The following DNAH9 variants were observed in gnomAD, a reference collection of about 807,000 sequenced individuals.
DNAH9 encodes DNAH9 variant protein.
A neutral mutation model predicts 471.6 loss-of-function variants in DNAH9; 345 were observed. The ratio of observed to expected loss-of-function variants is 0.73; its 90% CI spans 0.67 to 0.80. The LOEUF (loss-of-function observed/expected upper bound fraction) is 0.80, where lower values mean the gene tolerates loss of function less well. DNAH9 is among the 30% of genes least tolerant of loss of function. The pLI, the probability that DNAH9 is intolerant of heterozygous loss-of-function variation, is 0.00. For missense variants in DNAH9, 5,407 were observed against 5,609.2 expected (o/e 0.96, Z 1.15); for synonymous variants, 2,093 against 2,123.6 (o/e 0.99, Z 0.40).
chr17:11,840,198 T>G (rs1198026971), intron 49 of DNAH9, among the ~76,000 whole-genome samples: 2 of 152,220 alleles, frequency 1.3e-5, no homozygotes, highest in Non-Finnish European at 2.9e-5. Flanking sequence ...AAAGACATCC[T>G]GCATTTGCAA....
intron 28 of DNAH9, among the ~76,000 whole-genome samples, chr17:11,729,066 A>T (rs1015762903): frequency 6.6e-6 from 1 of 152,210 alleles, no homozygotes; most frequent in Non-Finnish European, 1.5e-5. Context: ...CTCAGCAGGC[A>T]TCAGAGAACC....
intron 50 of DNAH9, 148 bp from the exon 51 acceptor site, chr17:11,868,986 G>A (rs188983288): frequency 3.7e-5 from 35 of 937,848 alleles, no homozygotes; most frequent in Middle Eastern, 2.6e-4. Context: ...CTTTCATTTC[G>A]TTCTCTGCCC....
At chr17:11,959,099 CA>C (rs11305692) in intron 67 of DNAH9, among the ~76,000 whole-genome samples, 140,895 of 151,040 alleles carry the variant, frequency 0.93, 66,428 homozygotes, top group South Asian at 1. Flanking sequence ...TTTAAAATAT[CA>C]AAAAAAAAAC....
chr17:11,916,283 T>C (rs1973955102), intron 61 of DNAH9, among the ~76,000 whole-genome samples: 1 of 152,188 alleles, frequency 6.6e-6, no homozygotes, highest in Admixed American at 6.5e-5. Context: ...CTGATCTATA[T>C]GGGTTGTTTG....
At chr17:11,902,040 A>C (rs1973434197) in intron 59 of DNAH9, among the ~76,000 whole-genome samples, 1 of 152,248 alleles carries the variant, frequency 6.6e-6, no homozygotes, top group Non-Finnish European at 1.5e-5. Context: ...CAGAAAAGAA[A>C]ACAGGACTTT....
intron 38 of DNAH9, among the ~76,000 whole-genome samples, chr17:11,778,329 C>CAAAAAAAAAAAAAAAAAA (rs57983162): frequency 4.1e-5 from 2 of 48,638 alleles, no homozygotes; most frequent in South Asian, 1.2e-3. Flanking sequence ...GACTCCATCT[C>CAAAAAAAAAAAAAAAAAA]AAAAAAAAAA....
At chr17:11,782,784 C>G (rs1222839696) in intron 39 of DNAH9, among the ~76,000 whole-genome samples, 1 of 152,120 alleles carries the variant, frequency 6.6e-6, no homozygotes, top group African/African-American at 2.4e-5. Context: ...GTAGTCCCAG[C>G]TACTTAGGAG....
chr17:11,865,320 T>A (rs1463475651), intron 50 of DNAH9, among the ~76,000 whole-genome samples: 1 of 151,856 alleles, frequency 6.6e-6, no homozygotes, highest in African/African-American at 2.4e-5. Context: ...TTGAAAATTC[T>A]TTTCTTTAAG....
chr17:11,605,807 T>C (rs143681241), intron 1 of DNAH9, among the ~76,000 whole-genome samples: 26 of 152,116 alleles, frequency 1.7e-4, no homozygotes, highest in African/African-American at 4.6e-4. Flanking sequence ...TGGCTATGAG[T>C]TGCTTTTCAC....
chr17:11,651,078 G>A lies in DNAH9; in HGVS notation c.2107G>A (p.Val703Met), dbSNP rs142163586. The change falls in exon 13 of 69, where the codon GTG (valine) becomes ATG (methionine). Residue 703 changes from valine (V) to methionine (M), a missense_variant. Val to Met is a conservative substitution (Grantham distance 21). Transcript: ENST00000262442. ...TINFNPQLISVLKEMSYLEPR... is the reference protein window; with the variant it reads ...TINFNPQLISMLKEMSYLEPR... ...TGCTTCTTTTCTCCAGCTGATTTCA[G>A]TGCTGAAAGAAATGAGCTATCTTGA... is the stretch of plus-strand genomic sequence containing the variant. 2.3e-4 allele frequency: 377 copies of A among 1,613,282 alleles called. 1 individual carries two copies. Among genetic ancestry groups the A allele is most frequent in the Admixed American group, 9.5e-4 (57 of 59,956 alleles).
At chr17:11,911,207 G>T (rs1232369297) in intron 61 of DNAH9, among the ~76,000 whole-genome samples, 2 of 152,112 alleles carry the variant, frequency 1.3e-5, no homozygotes, top group African/African-American at 2.4e-5. Flanking sequence ...TTGAGTTAAT[G>T]TTTCTGTATG....
Position 11,652,990 on chromosome 17 carries a change from C to A in DNAH9, c.2583C>A (p.His861Gln). ...TCAAGGAATCTGGCCTTAAGATCCA[C>A]GCCCTTGTTCAGGTAATAACCCAGC... Reference protein sequence around the residue: ...NLIKESGLKIHALVQENLGLF... With the variant: ...NLIKESGLKIQALVQENLGLF... Residue 861 changes from histidine (H) to glutamine (Q), a missense_variant, in exon 14 of 69, where the codon CAC becomes CAA. By Grantham distance (24) the His-to-Gln change is conservative. Transcript: ENST00000262442. 6.2e-7 allele frequency: 1 copy of A among 1,613,792 alleles called. No homozygotes were observed. The highest frequency in any genetic ancestry group is 1.6e-4 in the Middle Eastern group (1 of 6,062).
chr17:11,805,565 T>G (rs1016617481), intron 43 of DNAH9, among the ~76,000 whole-genome samples: 9 of 117,532 alleles, frequency 7.7e-5, no homozygotes, highest in Non-Finnish European at 1.4e-4. Flanking sequence ...TTTTTTTTTT[T>G]GAGATGGAGT....
chr17:11,682,942 T>C (rs906055438), intron 19 of DNAH9, among the ~76,000 whole-genome samples: 1 of 152,218 alleles, frequency 6.6e-6, no homozygotes, highest in Non-Finnish European at 1.5e-5. Context: ...AAAACCCTTG[T>C]AGACTCCTTT....
chr17:11,967,676 A>G (rs1472089439), intron 68 of DNAH9, among the ~76,000 whole-genome samples: 3 of 152,212 alleles, frequency 2.0e-5, no homozygotes, highest in Admixed American at 6.5e-5. Flanking sequence ...GAAACCCATC[A>G]TGATCCAATT....
chr17:11,747,687 G>T lies in DNAH9; in HGVS notation c.6531G>T (p.Trp2177Cys), dbSNP rs148041956. 1.7e-5 allele frequency: 28 copies of T among 1,614,026 alleles called. No homozygotes were observed. The highest frequency in any genetic ancestry group is 5.3e-5 in the African/African-American group (4 of 74,916). ...AGATCATGAAACGGCGCCCCGTCTG[G>T]ACTGACCTCAATCCCAAAGCAGTCA... ...TYQIMKRRPV[W>C]TDLNPKAVTN... is the part of the protein sequence containing the mutation. Residue 2177 changes from tryptophan to cysteine, a missense_variant, in exon 32 of 69, where the codon TGG becomes TGT. Trp to Cys is a radical substitution (Grantham distance 215). This residue lies in a region of DNAH9 where 4,636 missense variants were observed against 4,900.3 expected (regional missense o/e 0.95). Transcript: ENST00000262442.
chr17:11,725,235 C>T (rs778208962), intron 27 of DNAH9, among the ~76,000 whole-genome samples: 7 of 152,220 alleles, frequency 4.6e-5, no homozygotes, highest in Non-Finnish European at 1.0e-4. Context: ...ATTTAAGGTA[C>T]ACAAACACAA....
At chr17:11,649,352 A>G (rs550931772) in intron 12 of DNAH9, among the ~76,000 whole-genome samples, 1 of 152,168 alleles carries the variant, frequency 6.6e-6, no homozygotes, top group Non-Finnish European at 1.5e-5. Flanking sequence ...ATCTTTTTAC[A>G]TATTTATATC....
chr17:11,627,898 G>C (rs1474264881), intron 6 of DNAH9, among the ~76,000 whole-genome samples: 1 of 152,168 alleles, frequency 6.6e-6, no homozygotes, highest in Admixed American at 6.5e-5. Flanking sequence ...GCTGGAGTTG[G>C]TGTGTCCCAG....
Sources: gnomAD v4.1 joint callset for allele counts (sites outside exome capture counted in the v4.1 genomes callset) on GRCh38, gnomAD v4.1.1 for gene constraint, gnomAD v4.1.1 regional missense constraint, MANE v1.5 for transcripts, NCBI Gene and HGNC (gene_info 2026-07-23, HGNC 2026-07-21) for gene names.